The following VSIR variants were observed in gnomAD, a reference collection of about 807,000 sequenced individuals.
The protein encoded by VSIR is V-type immunoglobulin domain-containing suppressor of T-cell activation.
Under a neutral mutation model 31.0 loss-of-function variants are expected in VSIR, and 10 were observed. The observed-to-expected ratio is 0.32, with a 90% CI of 0.20 to 0.55. The LOEUF (loss-of-function observed/expected upper bound fraction) is 0.55, where lower values mean the gene tolerates loss of function less well. Among genes scored for constraint, VSIR ranks in the 20% least tolerant of loss-of-function variants. VSIR has a pLI of 0.93. For synonymous variants in VSIR, 179 were observed against 180.1 expected (o/e 0.99, Z 0.05); for missense variants, 356 against 416.2 (o/e 0.86, Z 1.26).
chr10:71,751,163 G>C lies in VSIR; in HGVS notation c.*90C>G. 4 of 1,453,922 alleles carry C rather than the reference G, an allele frequency of 2.8e-6. No homozygotes were observed. The highest frequency in any genetic ancestry group is 3.7e-6 in the Non-Finnish European group (4 of 1,067,500). The allele number at this position is 1,453,922 out of a possible 1,614,324, so 90.1% of individuals were successfully genotyped here. The stretch of plus-strand genomic sequence containing the variant: ...GAGCAGGAGGGAGGGAACCAGGGCC[G>C]AGGCCAAGGAGGCCACTCACAGAGC... On this transcript the variant is annotated 3_prime_UTR_variant, in exon 7 of 7. Transcript: ENST00000394957. The surrounding 1 kb of genome is among the most constrained non-coding windows in gnomAD (Gnocchi z 4.9).
Position 71,751,758 on chromosome 10 carries a change from G to C in VSIR, c.808C>G (p.Gln270Glu), listed in dbSNP as rs1840009287. ...RHPLSYVAQRQPSESGRHLLS... is the reference protein window; with the variant it reads ...RHPLSYVAQREPSESGRHLLS... ...AGATGCCGCCCAGACTCAGAAGGCT[G>C]CCGCTGGGCCACATAGGACAGGGGG... Residue 270 changes from glutamine (Q) to glutamate (E), a missense_variant, in exon 6 of 7, where the codon CAG becomes GAG. By Grantham distance (29) the Gln-to-Glu change is conservative (BLOSUM62 2). Transcript: ENST00000394957. The surrounding 1 kb of genome is among the most constrained non-coding windows in gnomAD (Gnocchi z 4.9). The C allele has an allele frequency of 6.2e-7, 1 of 1,603,284 alleles. No homozygotes were observed. The highest frequency in any genetic ancestry group is 1.1e-5 in the South Asian group (1 of 90,126).
Position 71,761,820 on chromosome 10 carries a change from G to A in VSIR, c.289C>T (p.Leu97Phe). 6.2e-7 allele frequency: 1 copy of A among 1,614,164 alleles called. No individual in the cohort carries two copies. The highest frequency in any genetic ancestry group is 1.1e-5 in the South Asian group (1 of 91,090). The change falls in exon 2 of 7, where the codon CTT becomes TTT. Residue 97 changes from leucine to phenylalanine, a missense_variant. Transcript: ENST00000394957. The stretch of plus-strand genomic sequence containing the variant: ...TGGTGGCCTCCATGGTGCAGGTGAA[G>A]GTCCTGGAACGTGAGGTTGCGGATG... ...RPIRNLTFQD[L>F]HLHHGGHQAA...
At position 71,761,950 on chromosome 10, in the gene VSIR, G is replaced by A. The variant is rs1840401721; in HGVS notation, c.159C>T (p.Thr53=). Residue 53 remains threonine (T), a synonymous_variant, in exon 2 of 7, where the codon ACC becomes ACT. Coordinates refer to ENST00000394957, the MANE Select transcript of VSIR (RefSeq NM_022153.2). ...VCPEGQNVTL[T]CRLLGPVDKG... is the part of the protein sequence containing the mutation. Reference sequence around the variant, plus strand: ...TGTCCACAGGGCCCAAGAGCCTGCAGGTGAGGGTGACGTTCTGCCCCTCGG... The same window carrying A: ...TGTCCACAGGGCCCAAGAGCCTGCAAGTGAGGGTGACGTTCTGCCCCTCGG... 6.2e-7 allele frequency: 1 copy of A among 1,614,012 alleles called. No homozygotes were observed. The highest frequency in any genetic ancestry group is 8.5e-7 in the Non-Finnish European group (1 of 1,180,036).
intron 1 of VSIR, among the ~76,000 whole-genome samples, chr10:71,770,977 G>C (rs1840671227): frequency 6.6e-6 from 1 of 152,184 alleles, no homozygotes; most frequent in African/African-American, 2.4e-5. Flanking sequence ...CCTAAGAGCT[G>C]ACCATTGCTG....
intron 2 of VSIR, among the ~76,000 whole-genome samples, 185 bp downstream of exon 2, chr10:71,761,411 ACT>A (rs2132889083): frequency 6.6e-6 from 1 of 151,500 alleles, no homozygotes; most frequent in East Asian, 2.0e-4. Context: ...CCTCTCCATC[ACT>A]CCAGCTAACT....
At position 71,773,377 on chromosome 10, in the gene VSIR, G is replaced by C. The variant is rs937000626; in HGVS notation, c.63C>G (p.Leu21=). The C allele has an allele frequency of 8.1e-5, 131 of 1,609,746 alleles. No homozygotes were observed. Among genetic ancestry groups the C allele is most frequent in the Non-Finnish European group, 1.1e-4 (130 of 1,178,430 alleles). ...CCTTACCTAGGGACGCAGCCAGGAA[G>C]AGAGCGAAGAGCAGGGATCCCCAGC... ...SWRWGSLLFA[L]FLAASLGPVA... Residue 21 remains leucine (L), a synonymous_variant, in exon 1 of 7, where the codon CTC becomes CTG. Transcript: ENST00000394957.
chr10:71,760,026 T>TAC lies in VSIR; in HGVS notation c.568+840_568+841dup, dbSNP rs754921916. ...ACATATATATACACACACACATATA[T>TAC]ACACACACACACATATATACACACA... On this transcript the variant is annotated intron_variant, in intron 3 of 6. Coordinates refer to ENST00000394957, the MANE Select transcript of VSIR (RefSeq NM_022153.2). Among the ~76,000 whole-genome samples, 2 of 66,798 alleles carry TAC rather than the reference T, an allele frequency of 3.0e-5. 1 individual carries two copies. The highest frequency in any genetic ancestry group is 7.2e-5 in the Non-Finnish European group (2 of 27,754). The allele number at this position is 66,798 out of a possible 152,430, so 43.8% of individuals were successfully genotyped here.
At chr10:71,771,748 C>T (rs913452804) in intron 1 of VSIR, among the ~76,000 whole-genome samples, 1 of 152,218 alleles carries the variant, frequency 6.6e-6, no homozygotes, top group African/African-American at 2.4e-5. Flanking sequence ...GGAGTAAAGG[C>T]CCCTGGCCAT....
intron 1 of VSIR, among the ~76,000 whole-genome samples, chr10:71,771,664 T>G (rs1840688072): frequency 6.6e-6 from 1 of 152,188 alleles, no homozygotes; most frequent in African/African-American, 2.4e-5. Context: ...CCAGCCTAAA[T>G]CATCTCCCTG....
At chr10:71,757,426 A>G (rs1366031990) in intron 3 of VSIR, among the ~76,000 whole-genome samples, 1 of 152,172 alleles carries the variant, frequency 6.6e-6, no homozygotes, top group Admixed American at 6.5e-5. Context: ...AGGGGCGCAG[A>G]GGTTTGGGGA....
intron 3 of VSIR, among the ~76,000 whole-genome samples, chr10:71,759,617 G>A: frequency 6.6e-6 from 1 of 151,592 alleles, no homozygotes; most frequent in African/African-American, 2.4e-5. Context: ...GACCAGCCTG[G>A]CCAACATGGT....
chr10:71,763,736 C>T (rs1262264873), intron 1 of VSIR, among the ~76,000 whole-genome samples: 1 of 152,228 alleles, frequency 6.6e-6, no homozygotes, highest in East Asian at 1.9e-4. Flanking sequence ...CTGTAAGTGC[C>T]ATGCGAGTAG....
At chr10:71,753,564 C>A (rs906105135) in intron 4 of VSIR, among the ~76,000 whole-genome samples, 3 of 152,210 alleles carry the variant, frequency 2.0e-5, no homozygotes, top group Admixed American at 2.0e-4. Context: ...AGGTGCAAGT[C>A]CCCGATCACT....
rs747801389 is a variant in VSIR, at chr10:71,760,915, G to T, written c.521C>A (p.Ala174Glu). Residue 174 changes from alanine (A) to glutamate (E), a missense_variant, in exon 3 of 7, where the codon GCA becomes GAA. Around this residue, in one of 2 missense-constraint regions of VSIR, gnomAD observed 190 missense variants for 185.2 expected, o/e 1.03. Coordinates refer to ENST00000394957, the MANE Select transcript of VSIR (RefSeq NM_022153.2). Reference sequence around the variant, plus strand: ...TGGGTACACCACACAGTTGGATGGTGCATCTTTGCCTGTGGGAACAAACAG... The same window carrying T: ...TGGGTACACCACACAGTTGGATGGTTCATCTTTGCCTGTGGGAACAAACAG... ...MELQVQTGKD[A>E]PSNCVVYPSS... 8.7e-6 allele frequency: 14 copies of T among 1,613,786 alleles called. No individual in the cohort carries two copies. Among genetic ancestry groups the T allele is most frequent in the Non-Finnish European group, 1.2e-5 (14 of 1,179,736 alleles).
chr10:71,770,104 A>G (rs1720252590), intron 1 of VSIR, among the ~76,000 whole-genome samples: 1 of 152,182 alleles, frequency 6.6e-6, no homozygotes, highest in African/African-American at 2.4e-5. Flanking sequence ...AAGCTCACCA[A>G]TGCCTTCCCA....
In VSIR at chr10:71,761,985, A is replaced by G; in HGVS notation, c.124T>C (p.Tyr42His). The G allele has an allele frequency of 1.2e-6, 2 of 1,613,104 alleles. No homozygotes were observed. Among genetic ancestry groups the G allele is most frequent in the Non-Finnish European group, 1.7e-6 (2 of 1,179,634 alleles). Residue 42 changes from tyrosine to histidine, a missense_variant, in exon 2 of 7, where the codon TAT (tyrosine) becomes CAT (histidine). Tyr to His is a moderately conservative substitution (Grantham distance 83). This residue lies in a region of VSIR where 166 missense variants were observed against 231.0 expected (regional missense o/e 0.72). Transcript: ENST00000394957. The stretch of plus-strand genomic sequence containing the variant: ...ACGTTCTGCCCCTCGGGACAGACAT[A>G]CAGGGAATACGGCGTGGCGACCTTG... Reference protein sequence around the residue: ...AFKVATPYSLYVCPEGQNVTL... With the variant: ...AFKVATPYSLHVCPEGQNVTL...
intron 3 of VSIR, among the ~76,000 whole-genome samples, chr10:71,756,980 T>C (rs982356324): frequency 6.6e-6 from 1 of 152,258 alleles, no homozygotes; most frequent in Non-Finnish European, 1.5e-5. Context: ...GAACAGTTGC[T>C]ATGCTAATTA....
chr10:71,769,369 T>A (rs762870896), intron 1 of VSIR, among the ~76,000 whole-genome samples: 4 of 152,342 alleles, frequency 2.6e-5, no homozygotes, highest in Non-Finnish European at 5.9e-5. Flanking sequence ...TCCTGTTACG[T>A]TCTTTTATGG....
intron 3 of VSIR, among the ~76,000 whole-genome samples, chr10:71,759,012 G>A (rs1323596354): frequency 6.6e-6 from 1 of 151,774 alleles, no homozygotes; most frequent in African/African-American, 2.4e-5. Context: ...TGGGATTACA[G>A]ATGCCTGCCA....
Sources: gnomAD v4.1 joint callset for allele counts (sites outside exome capture counted in the v4.1 genomes callset) on GRCh38, gnomAD v4.1.1 for gene constraint, gnomAD v4.1.1 regional missense constraint, Gnocchi (gnomAD v3.1) non-coding constraint, MANE v1.5 for transcripts, NCBI Gene and HGNC (gene_info 2026-07-23, HGNC 2026-07-21) for gene names.